The following ACSS3 variants were observed in gnomAD, a reference collection of about 807,000 sequenced individuals.
The protein encoded by ACSS3 is acyl-CoA synthetase short chain family member 3.
Under a neutral mutation model 84.2 loss-of-function variants are expected in ACSS3, and 64 were observed. The observed-to-expected ratio is 0.76, with a 90% confidence interval of 0.62 to 0.94. ACSS3 has a LOEUF of 0.94. Among genes scored for constraint, ACSS3 ranks in the 40% least tolerant of loss-of-function variants. ACSS3 has a pLI of 0.00. For synonymous variants in ACSS3, 317 were observed against 310.1 expected (o/e 1.02, Z -0.23); for missense variants, 815 against 867.6 (o/e 0.94, Z 0.76).
chr12:81,248,097 C>T (rs1220689282), intron 13 of ACSS3, among the ~76,000 whole-genome samples: 2 of 151,918 alleles, frequency 1.3e-5, no homozygotes, highest in Non-Finnish European at 2.9e-5. Flanking sequence ...AACTCATACA[C>T]GGTTAGTAGG....
chr12:81,132,816 G>A (rs1032579731), intron 2 of ACSS3, among the ~76,000 whole-genome samples: 21 of 152,074 alleles, frequency 1.4e-4, no homozygotes, highest in African/African-American at 4.1e-4. Context: ...TGAAGTCACA[G>A]CTTTGGCTAT....
intron 11 of ACSS3, among the ~76,000 whole-genome samples, chr12:81,229,479 C>T (rs926488278): frequency 9.2e-5 from 14 of 151,720 alleles, no homozygotes; most frequent in South Asian, 8.3e-4. Flanking sequence ...CTTAAAAAAT[C>T]GATGATTTTA....
At chr12:81,243,832 A>G (rs2135997803) in intron 13 of ACSS3, among the ~76,000 whole-genome samples, 1 of 152,250 alleles carries the variant, frequency 6.6e-6, no homozygotes, top group South Asian at 2.1e-4. Context: ...ATATACACAC[A>G]TTGTTGCTAT....
intron 1 of ACSS3, chr12:81,094,735 G>A (rs763504025): frequency 6.6e-6 from 1 of 152,060 alleles, no homozygotes; most frequent in Non-Finnish European, 1.5e-5. Flanking sequence ...GTTATAAGCT[G>A]AAAGAGAAAG....
At chr12:81,111,012 G>T (rs1883531479) in intron 2 of ACSS3, among the ~76,000 whole-genome samples, 1 of 152,112 alleles carries the variant, frequency 6.6e-6, no homozygotes, top group Non-Finnish European at 1.5e-5. Context: ...TCAGACTAAA[G>T]GATCGCCTTT....
chr12:81,232,343 T>C (rs1323368181), intron 12 of ACSS3, among the ~76,000 whole-genome samples: 1 of 151,830 alleles, frequency 6.6e-6, no homozygotes, highest in African/African-American at 2.4e-5. Context: ...TCTGTCTTTT[T>C]ACCTGATCTC....
chr12:81,152,193 G>T, intron 7 of ACSS3, 97 bp downstream of exon 7: 2 of 848,194 alleles, frequency 2.4e-6, no homozygotes, highest in Admixed American at 5.2e-5. Context: ...ATTGGGGTGG[G>T]GACAGGGGAC....
intron 2 of ACSS3, among the ~76,000 whole-genome samples, chr12:81,122,289 A>G (rs1469882853): frequency 6.6e-6 from 1 of 152,010 alleles, no homozygotes; most frequent in East Asian, 1.9e-4. Context: ...ATTCTCACGG[A>G]GAACTCATGG....
In ACSS3 at chr12:81,233,487, G is replaced by T. The variant is rs1020464076; in HGVS notation, c.1719+16G>T. 3.7e-6 allele frequency: 6 copies of T among 1,608,552 alleles called. No homozygotes were observed. In the African/African-American group the frequency reaches 8.1e-5, roughly 22 times the overall value. Reference sequence around the variant, plus strand: ...CATTGAAGAGGTATTGATGAATATTGGTATTCTATTCCAAGTAGTGCTTAG... The same window carrying T: ...CATTGAAGAGGTATTGATGAATATTTGTATTCTATTCCAAGTAGTGCTTAG... On this transcript the variant is annotated intron_variant, in intron 13 of 15. Coordinates refer to ENST00000548058, the MANE Select transcript of ACSS3 (RefSeq NM_024560.4).
chr12:81,155,848 C>T (rs1886836325), intron 7 of ACSS3, among the ~76,000 whole-genome samples: 1 of 152,278 alleles, frequency 6.6e-6, no homozygotes, highest in African/African-American at 2.4e-5. Context: ...ATTGATAAAA[C>T]AACAGACAGA....
intron 9 of ACSS3, among the ~76,000 whole-genome samples, chr12:81,209,280 T>C (rs1214053342): frequency 6.6e-6 from 1 of 152,066 alleles, no homozygotes; most frequent in Non-Finnish European, 1.5e-5. Flanking sequence ...GCTAGGAGAA[T>C]GTTTTTTGTT....
intron 13 of ACSS3, among the ~76,000 whole-genome samples, chr12:81,241,794 C>G (rs1311759966): frequency 6.6e-6 from 1 of 152,182 alleles, no homozygotes; most frequent in African/African-American, 2.4e-5. Flanking sequence ...GTTGCCTGTT[C>G]ACTCTGATGG....
intron 9 of ACSS3, among the ~76,000 whole-genome samples, chr12:81,200,628 G>A (rs752807989): frequency 4.6e-5 from 7 of 152,050 alleles, no homozygotes; most frequent in Non-Finnish European, 2.9e-5. Context: ...GGTGGCTCAC[G>A]CCTATAATTC....
chr12:81,216,910 C>G lies in ACSS3; in HGVS notation c.1364C>G (p.Ser455Cys). The G allele has an allele frequency of 6.2e-7, 1 of 1,610,114 alleles. No homozygotes were observed. Among genetic ancestry groups the G allele is most frequent in the Non-Finnish European group, 8.5e-7 (1 of 1,177,010 alleles). ...ACATTTCTTTTTCCAGAGACTGGAT[C>G]TCCAATTACTGCGTCATGTGTTGGA... ...LDHWWQTETG[S>C]PITASCVGLG... Residue 455 changes from serine (S) to cysteine (C), a missense_variant, in exon 10 of 16, where the codon TCT becomes TGT. Transcript: ENST00000548058.
chr12:81,208,523 T>C (rs1229653285), intron 9 of ACSS3, among the ~76,000 whole-genome samples: 2 of 152,164 alleles, frequency 1.3e-5, no homozygotes, highest in Non-Finnish European at 2.9e-5. Flanking sequence ...AATTAAAATT[T>C]GGTCTTATCT....
At chr12:81,179,283 A>G (rs1363408566) in intron 8 of ACSS3, among the ~76,000 whole-genome samples, 3 of 149,556 alleles carry the variant, frequency 2.0e-5, no homozygotes, top group Non-Finnish European at 4.5e-5. Context: ...AAAAAAAAAA[A>G]AAAAAAGAAA....
At chr12:81,117,089 AT>A (rs1884106589) in intron 2 of ACSS3, among the ~76,000 whole-genome samples, 1 of 152,136 alleles carries the variant, frequency 6.6e-6, no homozygotes, top group Non-Finnish European at 1.5e-5. Flanking sequence ...CTAGATTTGA[AT>A]TATCTTCAGG....
chr12:81,243,198 A>T (rs1409803925), intron 13 of ACSS3, among the ~76,000 whole-genome samples: 1 of 152,146 alleles, frequency 6.6e-6, no homozygotes, highest in East Asian at 1.9e-4. Flanking sequence ...AATCACAGGC[A>T]TTCTTATACA....
intron 1 of ACSS3, among the ~76,000 whole-genome samples, chr12:81,093,478 G>T (rs551090674): frequency 6.7e-6 from 1 of 149,198 alleles, no homozygotes; most frequent in African/African-American, 2.5e-5. Context: ...AAAAAAAAAA[G>T]AATTCTGATT....
Sources: allele counts gnomAD v4.1 joint callset (sites outside exome capture counted in the v4.1 genomes callset), GRCh38; gene constraint gnomAD v4.1.1; transcripts MANE v1.5; gene names NCBI Gene and HGNC (gene_info 2026-07-23, HGNC 2026-07-21).